PRKACB: variants seen among roughly 807,000 people sequenced by gnomAD.
PRKACB encodes the protein protein kinase cAMP-activated catalytic subunit beta.
A neutral mutation model predicts 51.4 loss-of-function variants in PRKACB; 16 were observed. That is an observed-to-expected ratio of 0.31 (90% CI 0.21 to 0.47). PRKACB has a LOEUF of 0.47. Among genes scored for constraint, PRKACB ranks in the 20% least tolerant of loss-of-function variants. The pLI is 1.00. For missense variants in PRKACB, 309 were observed against 464.5 expected, an observed-to-expected ratio of 0.67 and a Z score of 3.08; for synonymous variants, 147 against 154.4, an observed-to-expected ratio of 0.95 and a Z score of 0.35.
chr1:84,155,882 T>C (rs1655433881), intron 1 of PRKACB, among the ~76,000 whole-genome samples: 1 of 152,182 alleles, frequency 6.6e-6, no homozygotes, highest in African/African-American at 2.4e-5. Flanking sequence ...AAGGAGGTCT[T>C]TTCTTAGAGT....
intron 9 of PRKACB, among the ~76,000 whole-genome samples, chr1:84,231,664 C>A (rs1001350743): frequency 6.6e-6 from 1 of 151,840 alleles, no homozygotes; most frequent in Non-Finnish European, 1.5e-5. Context: ...GTGTATGTGT[C>A]GAGGAATTTA....
chr1:84,083,939 T>G (rs962721728), intron 1 of PRKACB, among the ~76,000 whole-genome samples: 2 of 152,180 alleles, frequency 1.3e-5, no homozygotes, highest in Non-Finnish European at 2.9e-5. Context: ...TACACAAGAC[T>G]ATGGGAATAA....
intron 8 of PRKACB, among the ~76,000 whole-genome samples, chr1:84,207,015 AT>A (rs964677232): frequency 5.3e-5 from 8 of 152,152 alleles, no homozygotes; most frequent in African/African-American, 1.9e-4. Context: ...GTCATTTACT[AT>A]TTTGCTATGG....
chr1:84,109,891 G>A (rs1650075617), intron 1 of PRKACB, among the ~76,000 whole-genome samples: 1 of 151,686 alleles, frequency 6.6e-6, no homozygotes, highest in African/African-American at 2.4e-5. Context: ...GATTATATAT[G>A]TTATAAACTT....
intron 5 of PRKACB, among the ~76,000 whole-genome samples, chr1:84,190,484 C>CTATA (rs555925551): frequency 6.6e-6 from 1 of 151,222 alleles, no homozygotes; most frequent in South Asian, 2.2e-4. Flanking sequence ...AAATGTTTAC[C>CTATA]TAAATAAGAA....
At chr1:84,204,629 C>A in intron 8 of PRKACB, 1 of 1,197,180 alleles carries the variant, frequency 8.4e-7, no homozygotes, top group Non-Finnish European at 1.1e-6. Context: ...ATTAAAATCA[C>A]AAATGGAAGA....
Position 84,126,381 on chromosome 1 carries a change from TCTC to T in PRKACB, c.46+48013_46+48015del, listed in dbSNP as rs1485487439. On this transcript the variant is annotated intron_variant, in intron 1 of 8. Coordinates refer to the PRKACB transcript ENST00000370688. ...AGCGGATGGAGTGGGAAGGTGGTCTTCTCCTGGAGTTCAGCCGTCCCCTGTGGA... is the reference window on the plus strand; with the variant it reads ...AGCGGATGGAGTGGGAAGGTGGTCTTCTGGAGTTCAGCCGTCCCCTGTGGA... 4.6e-5 allele frequency among the ~76,000 whole-genome samples: 7 copies of T among 152,182 alleles called. No individual in the cohort carries two copies. The South Asian group carries it at 1.2e-3, about 27-fold the overall frequency.
intron 8 of PRKACB, among the ~76,000 whole-genome samples, chr1:84,203,568 A>G (rs1467926278): frequency 6.6e-6 from 1 of 152,042 alleles, no homozygotes; most frequent in Non-Finnish European, 1.5e-5. Context: ...CCTACCATGC[A>G]GCAATGAAAG....
At chr1:84,088,737 C>G (rs1648219411) in intron 1 of PRKACB, among the ~76,000 whole-genome samples, 2 of 152,164 alleles carry the variant, frequency 1.3e-5, no homozygotes, top group African/African-American at 4.8e-5. Context: ...GTCTTTCATT[C>G]ATTCTTAATC....
intron 8 of PRKACB, among the ~76,000 whole-genome samples, chr1:84,210,093 G>C (rs1671908862): frequency 6.6e-6 from 1 of 152,090 alleles, no homozygotes; most frequent in Non-Finnish European, 1.5e-5. Context: ...CTTTTTTTAA[G>C]TATCACAAGT....
At chr1:84,168,321 G>GC (rs1334698147) in intron 1 of PRKACB, among the ~76,000 whole-genome samples, 2 of 151,498 alleles carry the variant, frequency 1.3e-5, no homozygotes, top group Non-Finnish European at 3.0e-5. Flanking sequence ...TAGCGAATAG[G>GC]TTTCTCTGAT....
chr1:84,166,052 T>C (rs950433869), intron 1 of PRKACB, among the ~76,000 whole-genome samples: 1 of 151,668 alleles, frequency 6.6e-6, no homozygotes, highest in East Asian at 1.9e-4. Context: ...ATAAATATTC[T>C]TTATCCTGCT....
chr1:84,193,990 C>G (rs981297900), intron 5 of PRKACB, among the ~76,000 whole-genome samples: 1 of 152,112 alleles, frequency 6.6e-6, no homozygotes, highest in African/African-American at 2.4e-5. Context: ...GAGGCCTAAG[C>G]CAAGATTCAT....
At chr1:84,159,525 T>A (rs970374775) in intron 1 of PRKACB, among the ~76,000 whole-genome samples, 2 of 152,158 alleles carry the variant, frequency 1.3e-5, no homozygotes, top group African/African-American at 4.8e-5. Context: ...TATAATTTTC[T>A]ACATATAGAA....
intron 9 of PRKACB, among the ~76,000 whole-genome samples, chr1:84,220,304 T>G (rs780116970): frequency 3.9e-5 from 6 of 152,218 alleles, no homozygotes; most frequent in Non-Finnish European, 8.8e-5. Context: ...TATGTTCATT[T>G]TGTATTCTGC....
At chr1:84,164,270 A>G in intron 1 of PRKACB, 1 of 1,478,036 alleles carries the variant, frequency 6.8e-7, no homozygotes, top group Non-Finnish European at 9.1e-7. Context: ...CGATCTCGGC[A>G]ATAAGATTCA....
At chr1:84,186,063 G>A (rs1664997552) in intron 5 of PRKACB, among the ~76,000 whole-genome samples, 1 of 152,076 alleles carries the variant, frequency 6.6e-6, no homozygotes, top group Non-Finnish European at 1.5e-5. Context: ...TAAGTTTTGG[G>A]GAGCTGGCAA....
In PRKACB at chr1:84,157,757, A is replaced by C. The variant is rs575291508; in HGVS notation, c.187+13209A>C. On this transcript the variant is annotated intron_variant, in intron 1 of 9. Coordinates refer to ENST00000370685, the MANE Select transcript of PRKACB (RefSeq NM_182948.4). ...TGGTTCCGATTTATTGTTGAATTAT[A>C]CTATGTTGTATGGATATAATACATT... 3.3e-5 allele frequency among the ~76,000 whole-genome samples: 5 copies of C among 152,300 alleles called. 1 individual carries two copies. The highest frequency in any genetic ancestry group is 1.2e-4 in the African/African-American group (5 of 41,582).
chr1:84,185,082 C>G lies in PRKACB; in HGVS notation c.478-18C>G. ...GACCTAAGTTGAATAATTGTATTTC[C>G]TTTTTATTTGTTCATAGGATAATTC... On this transcript the variant is annotated intron_variant, in intron 4 of 9. Transcript: ENST00000370685. The G allele has an allele frequency of 7.2e-7, 1 of 1,396,196 alleles. No individual in the cohort carries two copies. Among genetic ancestry groups the G allele is most frequent in the Non-Finnish European group, 9.7e-7 (1 of 1,033,834 alleles). The allele number at this position is 1,396,196 out of a possible 1,614,324, so 86.5% of individuals were successfully genotyped here.
Sources: allele counts gnomAD v4.1 joint callset (sites outside exome capture counted in the v4.1 genomes callset), GRCh38; gene constraint gnomAD v4.1.1; transcripts MANE v1.5; gene names NCBI Gene and HGNC (gene_info 2026-07-23, HGNC 2026-07-21).